Variants in NEK7 observed in about 807,000 individuals in gnomAD.
The protein encoded by NEK7 is NIMA related kinase 7, also known as serine/threonine-protein kinase Nek7.
Under a neutral mutation model 44.6 loss-of-function variants are expected in NEK7, and 18 were observed. That is an observed-to-expected ratio of 0.40 (90% confidence interval 0.28 to 0.60). NEK7 has a LOEUF of 0.60. Among genes scored for constraint, NEK7 ranks in the 20% least tolerant of loss-of-function variants. The pLI, the probability that NEK7 is intolerant of heterozygous loss-of-function variation, is 0.38. For synonymous variants in NEK7, 130 were observed against 121.1 expected (o/e 1.07, Z -0.48); for missense variants, 256 against 366.5 (o/e 0.70, Z 2.46).
At position 198,320,131 on chromosome 1, in the gene NEK7, A is replaced by G. The variant is rs1048583786; in HGVS notation, c.*609A>G. On this transcript the variant is annotated 3_prime_UTR_variant, in exon 10 of 10. Transcript: ENST00000367385. ...CTATTAAATGTGAAGATTTGGGGAC[A>G]AAATGTGAGTCAGACACTGAAGAGT... is the stretch of plus-strand genomic sequence containing the variant. The G allele has an allele frequency of 6.6e-6, 1 of 152,202 alleles. No individual in the cohort carries two copies. Among genetic ancestry groups the G allele is most frequent in the Non-Finnish European group, 1.5e-5 (1 of 68,026 alleles). The allele number at this position is 152,202 out of a possible 1,614,324, so 9.4% of individuals were successfully genotyped here.
chr1:198,284,775 T>A (rs189285465), intron 7 of NEK7, among the ~76,000 whole-genome samples: 3 of 152,210 alleles, frequency 2.0e-5, no homozygotes, highest in East Asian at 1.9e-4. Context: ...CCAGAACAAT[T>A]TTATATATTC....
At chr1:198,211,935 C>T (rs1218232501) in intron 1 of NEK7, among the ~76,000 whole-genome samples, 1 of 152,228 alleles carries the variant, frequency 6.6e-6, no homozygotes, top group Non-Finnish European at 1.5e-5. Flanking sequence ...GACACACACT[C>T]CCGCAGGGGA....
intron 7 of NEK7, among the ~76,000 whole-genome samples, chr1:198,288,471 A>G (rs1654447149): frequency 6.6e-6 from 1 of 151,626 alleles, no homozygotes; most frequent in Non-Finnish European, 1.5e-5. Context: ...GGAAAGATAC[A>G]GATATTTTTT....
At chr1:198,268,021 G>C (rs138581865) in intron 5 of NEK7, among the ~76,000 whole-genome samples, 2 of 151,692 alleles carry the variant, frequency 1.3e-5, no homozygotes, top group South Asian at 4.2e-4. Context: ...CTCCTCCATC[G>C]GCTTATTGAG....
At chr1:198,269,004 T>C (rs926137437) in intron 5 of NEK7, among the ~76,000 whole-genome samples, 7 of 152,140 alleles carry the variant, frequency 4.6e-5, no homozygotes, top group Non-Finnish European at 8.8e-5. Flanking sequence ...TAGAGTACTT[T>C]ATGGTATAAG....
At chr1:198,268,738 G>A (rs1353926936) in intron 5 of NEK7, among the ~76,000 whole-genome samples, 2 of 152,130 alleles carry the variant, frequency 1.3e-5, no homozygotes, top group Non-Finnish European at 2.9e-5. Flanking sequence ...CCCTCAGAGA[G>A]GATCCGAGTC....
Position 198,228,465 on chromosome 1 carries a change from GC to G in NEK7, c.-28-4086del, listed in dbSNP as rs775322500. Among the ~76,000 whole-genome samples, 132 of 152,048 alleles carry G rather than the reference GC, an allele frequency of 8.7e-4. 1 individual carries two copies. Among genetic ancestry groups the G allele is most frequent in the Non-Finnish European group, 2.5e-4 (17 of 68,010 alleles). The stretch of plus-strand genomic sequence containing the variant: ...TCTATAAATTACCTTGGGCAGTATG[GC>G]CATTTTCACGATATTGATTCTTCCT... On this transcript the variant is annotated intron_variant, in intron 1 of 9. Transcript: ENST00000367385.
chr1:198,275,056 A>G (rs1653973304), intron 5 of NEK7, among the ~76,000 whole-genome samples: 3 of 151,722 alleles, frequency 2.0e-5, no homozygotes, highest in African/African-American at 4.8e-5. Flanking sequence ...ATACTTTTAT[A>G]TGTAAATTGA....
chr1:198,292,602 T>C (rs1654593854), intron 7 of NEK7, among the ~76,000 whole-genome samples: 1 of 152,014 alleles, frequency 6.6e-6, no homozygotes, highest in African/African-American at 2.4e-5. Context: ...ATTCAAGCCA[T>C]ATTTTTTTAA....
chr1:198,207,808 A>G (rs1277277356), intron 1 of NEK7, among the ~76,000 whole-genome samples: 4 of 152,342 alleles, frequency 2.6e-5, no homozygotes, highest in East Asian at 3.9e-4. Context: ...TAAAATGGCA[A>G]TTTAATTGTA....
At chr1:198,168,372 T>C (rs1227444179) in intron 1 of NEK7, among the ~76,000 whole-genome samples, 1 of 152,224 alleles carries the variant, frequency 6.6e-6, no homozygotes, top group Non-Finnish European at 1.5e-5. Flanking sequence ...GTGTGGTCCC[T>C]GGCAGGGCAG....
intron 9 of NEK7, among the ~76,000 whole-genome samples, chr1:198,305,934 C>A (rs1248083923): frequency 6.6e-6 from 1 of 152,034 alleles, no homozygotes; most frequent in Non-Finnish European, 1.5e-5. Context: ...CAGAGGTGGC[C>A]GTGAGGGACC....
intron 1 of NEK7, among the ~76,000 whole-genome samples, chr1:198,215,021 A>G (rs867526465): frequency 6.6e-6 from 1 of 152,178 alleles, no homozygotes; most frequent in African/African-American, 2.4e-5. Flanking sequence ...TTGGGTTCCT[A>G]TCTTTAGTCT....
chr1:198,287,469 C>T (rs114994433), intron 7 of NEK7, among the ~76,000 whole-genome samples: 3,767 of 152,170 alleles, frequency 0.025, 68 homozygotes, highest in African/African-American at 0.047. Flanking sequence ...AGGAAGTTTA[C>T]ATTTACTGAA....
chr1:198,253,405 A>G (rs371280509), intron 3 of NEK7, among the ~76,000 whole-genome samples: 1 of 152,110 alleles, frequency 6.6e-6, no homozygotes, highest in African/African-American at 2.4e-5. Context: ...TTGAACCTCA[A>G]AAAGCTTTCA....
chr1:198,316,961 G>T (rs1322204924), intron 9 of NEK7, among the ~76,000 whole-genome samples: 1 of 152,212 alleles, frequency 6.6e-6, no homozygotes, highest in African/African-American at 2.4e-5. Context: ...AGTGTCTCTT[G>T]CAGAGTAGAT....
chr1:198,263,194 C>T (rs1653535197), intron 4 of NEK7, among the ~76,000 whole-genome samples: 1 of 151,790 alleles, frequency 6.6e-6, no homozygotes, highest in African/African-American at 2.4e-5. Flanking sequence ...AATACTGCGG[C>T]CTATGTTGTA....
At chr1:198,300,961 T>C (rs1367904924) in intron 9 of NEK7, among the ~76,000 whole-genome samples, 2 of 152,222 alleles carry the variant, frequency 1.3e-5, no homozygotes, top group Non-Finnish European at 2.9e-5. Flanking sequence ...GGAAATAAGA[T>C]AAATAGACTG....
At chr1:198,304,614 C>T (rs547744776) in intron 9 of NEK7, among the ~76,000 whole-genome samples, 1 of 152,162 alleles carries the variant, frequency 6.6e-6, no homozygotes, top group Admixed American at 6.5e-5. Flanking sequence ...GCACAAAGAG[C>T]CCTATTGTTA....
Sources: allele counts gnomAD v4.1 joint callset (sites outside exome capture counted in the v4.1 genomes callset), GRCh38; gene constraint gnomAD v4.1.1; transcripts MANE v1.5; gene names NCBI Gene and HGNC (gene_info 2026-07-23, HGNC 2026-07-21).